PIWIL2: variants seen among roughly 807,000 people sequenced by gnomAD.
The protein encoded by PIWIL2 is piwi-like protein 2.
Under a neutral mutation model 116.5 loss-of-function variants are expected in PIWIL2, and 81 were observed. That is an observed-to-expected ratio of 0.70 (90% CI 0.58 to 0.84). The LOEUF (loss-of-function observed/expected upper bound fraction) is 0.84. Ranked by LOEUF, PIWIL2 falls within the 40% of genes least tolerant of loss-of-function variation. PIWIL2 has a pLI of 0.00. For missense variants in PIWIL2, 1,272 were observed against 1,212.3 expected (o/e 1.05, Z -0.73); for synonymous variants, 489 against 429.5 (o/e 1.14, Z -1.71).
intron 20 of PIWIL2, among the ~76,000 whole-genome samples, chr8:22,325,168 C>A (rs1831693702): frequency 6.6e-6 from 1 of 152,122 alleles, no homozygotes; most frequent in African/African-American, 2.4e-5. Context: ...CCACATCCTG[C>A]CCCCAGGGAA....
At position 22,282,969 on chromosome 8, in the gene PIWIL2, G is replaced by A. The variant is rs1327596946; in HGVS notation, c.426-65G>A. On this transcript the variant is annotated intron_variant, in intron 4 of 22. Transcript: ENST00000356766. ...CCAGGAAGAGATTGTGGAGTTGGGG[G>A]AATAATCTGGATGGGACATAGCTAT... The A allele has an allele frequency of 1.1e-5, 13 of 1,220,670 alleles. No homozygotes were observed. The African/African-American group carries it at 1.8e-4, about 17-fold the overall frequency. 75.6% of individuals were successfully genotyped at this position (1,220,670 alleles called of 1,614,324 possible).
rs920412530 is a variant in PIWIL2, at chr8:22,357,107, A to G, written c.*1602A>G. 2.0e-5 allele frequency: 3 copies of G among 152,240 alleles called. No homozygotes were observed. The highest frequency in any genetic ancestry group is 7.2e-5 in the African/African-American group (3 of 41,470). The allele number at this position is 152,240 out of a possible 1,614,324, so 9.4% of individuals were successfully genotyped here. A position where few individuals can be genotyped will look rare whatever the true frequency, so the allele number is the denominator to read the frequency against. On this transcript the variant is annotated 3_prime_UTR_variant, in exon 23 of 23. Coordinates refer to ENST00000356766, the MANE Select transcript of PIWIL2 (RefSeq NM_018068.5). ...ATGTGCTCACTTCAGCAGCACATATACTAAAATTAAAATGATATAGAGAAG... is the reference window on the plus strand; with the variant it reads ...ATGTGCTCACTTCAGCAGCACATATGCTAAAATTAAAATGATATAGAGAAG...
At chr8:22,348,169 C>T (rs1397865085) in intron 20 of PIWIL2, among the ~76,000 whole-genome samples, 3 of 151,900 alleles carry the variant, frequency 2.0e-5, no homozygotes, top group Admixed American at 6.6e-5. Context: ...GGCATGATGG[C>T]GGGTGTCTGT....
intron 20 of PIWIL2, among the ~76,000 whole-genome samples, chr8:22,323,743 C>T (rs1278905756): frequency 6.6e-6 from 1 of 152,122 alleles, no homozygotes; most frequent in Non-Finnish European, 1.5e-5. Flanking sequence ...TACTAGAGTC[C>T]TACTCAGTCA....
At chr8:22,343,058 G>A (rs370221202) in intron 20 of PIWIL2, among the ~76,000 whole-genome samples, 1 of 152,070 alleles carries the variant, frequency 6.6e-6, no homozygotes, top group South Asian at 2.1e-4. Context: ...CATGAGGCCA[G>A]GAGTTTGAGA....
intron 18 of PIWIL2, among the ~76,000 whole-genome samples, 193 bp from the exon 19 acceptor site, chr8:22,316,052 G>C (rs998756868): frequency 6.6e-6 from 1 of 152,040 alleles, no homozygotes; most frequent in African/African-American, 2.4e-5. Context: ...GCTGATCCCT[G>C]ATCTAGATCT....
intron 18 of PIWIL2, among the ~76,000 whole-genome samples, chr8:22,316,018 A>C (rs550717813): frequency 2.0e-5 from 3 of 152,276 alleles, no homozygotes; most frequent in Admixed American, 2.0e-4. Context: ...CACAAAGCCT[A>C]AGTTATTTAC....
intron 20 of PIWIL2, among the ~76,000 whole-genome samples, chr8:22,338,198 GA>G (rs1832025079): frequency 6.6e-6 from 1 of 152,170 alleles, no homozygotes; most frequent in South Asian, 2.1e-4. Flanking sequence ...TTGGGAAGGA[GA>G]AAAGAAAACT....
At chr8:22,353,335 T>A in intron 21 of PIWIL2, 123 bp downstream of exon 21, 1 of 861,488 alleles carries the variant, frequency 1.2e-6, no homozygotes. Flanking sequence ...GAGGCTACCG[T>A]TAAAAGAATG....
At chr8:22,276,001 C>T (rs1452660036) in intron 1 of PIWIL2, 2 of 152,216 alleles carry the variant, frequency 1.3e-5, no homozygotes, top group African/African-American at 2.4e-5. Context: ...TCCAGATGTC[C>T]CTTAAGGGAG....
chr8:22,289,167 T>C (rs1830699133), intron 8 of PIWIL2, among the ~76,000 whole-genome samples: 1 of 150,874 alleles, frequency 6.6e-6, no homozygotes, highest in African/African-American at 2.4e-5. Flanking sequence ...TTTTTTTTTT[T>C]TTGAGAGACG....
intron 20 of PIWIL2, among the ~76,000 whole-genome samples, chr8:22,329,689 TG>T (rs1217515154): frequency 6.6e-5 from 10 of 152,232 alleles, no homozygotes; most frequent in Non-Finnish European, 1.3e-4. Context: ...ACATTCAGAC[TG>T]TAGCAATAGT....
chr8:22,352,672 T>C, intron 20 of PIWIL2: 1 of 322,252 alleles, frequency 3.1e-6, no homozygotes, highest in South Asian at 1.1e-4. Flanking sequence ...CTTTGAACTT[T>C]GTTTGCATTG....
chr8:22,300,769 C>T (rs1363990136), intron 10 of PIWIL2, among the ~76,000 whole-genome samples: 1 of 152,038 alleles, frequency 6.6e-6, no homozygotes, highest in East Asian at 1.9e-4. Context: ...GCATCTTTTC[C>T]TGTGTGTACT....
intron 20 of PIWIL2, among the ~76,000 whole-genome samples, chr8:22,350,821 G>C (rs1832335671): frequency 6.6e-6 from 1 of 152,068 alleles, no homozygotes; most frequent in Non-Finnish European, 1.5e-5. Context: ...GCAACATAGT[G>C]AGACCCTGTC....
chr8:22,349,745 C>T (rs1832313670), intron 20 of PIWIL2, among the ~76,000 whole-genome samples: 1 of 152,086 alleles, frequency 6.6e-6, no homozygotes, highest in South Asian at 2.1e-4. Context: ...TTGGCAGGAT[C>T]GTACAGAGGC....
intron 20 of PIWIL2, among the ~76,000 whole-genome samples, chr8:22,339,055 A>G (rs571860335): frequency 6.6e-6 from 1 of 152,382 alleles, no homozygotes; most frequent in East Asian, 1.9e-4. Flanking sequence ...ACTGATTTTC[A>G]GCAAGTTTGC....
chr8:22,323,848 A>C (rs1831662954), intron 20 of PIWIL2, among the ~76,000 whole-genome samples: 1 of 152,204 alleles, frequency 6.6e-6, no homozygotes, highest in Non-Finnish European at 1.5e-5. Context: ...CTACATTGTC[A>C]GTTTTCAAAA....
intron 10 of PIWIL2, among the ~76,000 whole-genome samples, chr8:22,296,117 G>A (rs1385748876): frequency 6.9e-6 from 1 of 145,972 alleles, no homozygotes; most frequent in Non-Finnish European, 1.5e-5. Flanking sequence ...GTGCAGTGGT[G>A]CGATCTCGGC....
Sources: gnomAD v4.1 joint callset for allele counts (sites outside exome capture counted in the v4.1 genomes callset) on GRCh38, gnomAD v4.1.1 for gene constraint, MANE v1.5 for transcripts, NCBI Gene and HGNC (gene_info 2026-07-23, HGNC 2026-07-21) for gene names.